The following MARCHF1 variants were observed in gnomAD, a reference collection of about 807,000 sequenced individuals.
MARCHF1 encodes the protein E3 ubiquitin-protein ligase MARCHF1.
Under a neutral mutation model 54.2 loss-of-function variants are expected in MARCHF1, and 40 were observed. The ratio of observed to expected loss-of-function variants is 0.74; its 90% CI spans 0.57 to 0.96. The LOEUF (loss-of-function observed/expected upper bound fraction) is 0.96. Among genes scored for constraint, MARCHF1 ranks in the 40% least tolerant of loss-of-function variants. The pLI is 0.00. For synonymous variants in MARCHF1, 236 were observed against 236.3 expected (o/e 1.00, Z 0.01); for missense variants, 586 against 656.5 (o/e 0.89, Z 1.17).
At chr4:164,282,327 T>C (rs1332787566) in intron 1 of MARCHF1, among the ~76,000 whole-genome samples, 1 of 150,958 alleles carries the variant, frequency 6.6e-6, no homozygotes, top group East Asian at 2.0e-4. Context: ...AACTGTGACT[T>C]TGCTCAAAAC....
intron 1 of MARCHF1, among the ~76,000 whole-genome samples, chr4:164,190,612 G>T (rs1326445023): frequency 6.6e-6 from 1 of 152,134 alleles, no homozygotes; most frequent in South Asian, 2.1e-4. Flanking sequence ...TTAACAACTG[G>T]GTCATGTTCA....
intron 1 of MARCHF1, among the ~76,000 whole-genome samples, chr4:164,332,368 A>T (rs186591285): frequency 6.6e-6 from 1 of 152,362 alleles, no homozygotes; most frequent in Admixed American, 6.5e-5. Context: ...ATTAGACATA[A>T]TATTCACAAA....
chr4:163,730,524 T>C (rs181266132), intron 4 of MARCHF1, among the ~76,000 whole-genome samples: 369 of 152,292 alleles, frequency 2.4e-3, no homozygotes, highest in Non-Finnish European at 4.4e-3. Context: ...GGAAATCCAA[T>C]ACTACCTTTT....
chr4:163,769,187 C>G (rs1747078742), intron 4 of MARCHF1, among the ~76,000 whole-genome samples: 1 of 152,008 alleles, frequency 6.6e-6, no homozygotes, highest in Admixed American at 6.6e-5. Flanking sequence ...TATAGACATG[C>G]CCATATGTCT....
intron 2 of MARCHF1, among the ~76,000 whole-genome samples, chr4:164,072,942 C>T (rs1455734793): frequency 6.6e-6 from 1 of 152,174 alleles, no homozygotes; most frequent in Non-Finnish European, 1.5e-5. Flanking sequence ...GTAGTGATAT[C>T]AAGCGCAATA....
At chr4:163,560,561 A>G (rs1429426093) in intron 8 of MARCHF1, among the ~76,000 whole-genome samples, 5 of 152,168 alleles carry the variant, frequency 3.3e-5, no homozygotes, top group Non-Finnish European at 7.4e-5. Context: ...TTAAAAATTC[A>G]TGCTGTGAAT....
intron 5 of MARCHF1, among the ~76,000 whole-genome samples, chr4:163,670,359 GATCT>G (rs34676660): frequency 3.4e-4 from 49 of 143,814 alleles, no homozygotes; most frequent in South Asian, 2.0e-3. Flanking sequence ...CCTAGAGTAG[GATCT>G]ATCTATCTAT....
At chr4:164,241,606 A>G (rs1372235822) in intron 1 of MARCHF1, among the ~76,000 whole-genome samples, 1 of 152,068 alleles carries the variant, frequency 6.6e-6, no homozygotes. Context: ...ACTATTATAT[A>G]AAGAAATGGG....
At chr4:164,241,850 CAAAG>C (rs912966850) in intron 1 of MARCHF1, among the ~76,000 whole-genome samples, 10 of 152,158 alleles carry the variant, frequency 6.6e-5, no homozygotes, top group Non-Finnish European at 1.3e-4. Context: ...CTTTCTGAGC[CAAAG>C]AAAGGGGTGA....
At chr4:163,876,997 A>C (rs1289632933) in intron 3 of MARCHF1, among the ~76,000 whole-genome samples, 1 of 152,172 alleles carries the variant, frequency 6.6e-6, no homozygotes, top group Non-Finnish European at 1.5e-5. Context: ...ATTATATTAC[A>C]ACATTATTTA....
At chr4:164,101,066 A>C (rs951835787) in intron 2 of MARCHF1, among the ~76,000 whole-genome samples, 1 of 152,208 alleles carries the variant, frequency 6.6e-6, no homozygotes, top group Non-Finnish European at 1.5e-5. Flanking sequence ...GGCTTAAAAA[A>C]CTGTGCACCA....
At chr4:163,885,899 C>A (rs183635463) in intron 3 of MARCHF1, among the ~76,000 whole-genome samples, 1 of 148,922 alleles carries the variant, frequency 6.7e-6, no homozygotes, top group Non-Finnish European at 1.5e-5. Flanking sequence ...AAATGAGACC[C>A]GTCTCTAATA....
At chr4:163,613,712 A>G (rs1264015526) in intron 5 of MARCHF1, 1 of 554,186 alleles carries the variant, frequency 1.8e-6, no homozygotes, top group Admixed American at 6.4e-5. Context: ...GAAACAAATG[A>G]ATAATACTTG....
chr4:164,263,349 C>T (rs1177294574), intron 1 of MARCHF1, among the ~76,000 whole-genome samples: 1 of 152,092 alleles, frequency 6.6e-6, no homozygotes, highest in African/African-American at 2.4e-5. Context: ...CATATATACA[C>T]ACATATACAT....
chr4:163,705,153 A>G (rs749288227), intron 4 of MARCHF1, among the ~76,000 whole-genome samples: 4 of 151,830 alleles, frequency 2.6e-5, no homozygotes, highest in Non-Finnish European at 5.9e-5. Flanking sequence ...ATATGCTCCT[A>G]AAATGGATAA....
intron 1 of MARCHF1, among the ~76,000 whole-genome samples, chr4:164,338,451 T>C (rs1038779690): frequency 5.3e-5 from 8 of 152,110 alleles, no homozygotes; most frequent in Non-Finnish European, 8.8e-5. Flanking sequence ...ACGAATGTAA[T>C]TGGATCAAAT....
At chr4:164,309,254 C>G (rs573142677) in intron 1 of MARCHF1, among the ~76,000 whole-genome samples, 40 of 147,848 alleles carry the variant, frequency 2.7e-4, no homozygotes, top group Non-Finnish European at 4.8e-4. Flanking sequence ...AATTTCTAAC[C>G]TGTGTGTGTG....
At chr4:164,329,207 C>G (rs1000313462) in intron 1 of MARCHF1, among the ~76,000 whole-genome samples, 4 of 152,176 alleles carry the variant, frequency 2.6e-5, no homozygotes, top group Non-Finnish European at 5.9e-5. Flanking sequence ...CAAAAGTAAA[C>G]TGTCCCTTGA....
At chr4:163,873,429 C>T (rs1423110746) in intron 3 of MARCHF1, among the ~76,000 whole-genome samples, 1 of 152,206 alleles carries the variant, frequency 6.6e-6, no homozygotes, top group Non-Finnish European at 1.5e-5. Flanking sequence ...CTGCTGTTGC[C>T]TCATTTCCTA....
Sources: gnomAD v4.1 joint callset for allele counts (sites outside exome capture counted in the v4.1 genomes callset) on GRCh38, gnomAD v4.1.1 for gene constraint, MANE v1.5 for transcripts, NCBI Gene and HGNC (gene_info 2026-07-23, HGNC 2026-07-21) for gene names.